Variants in PTPRD observed in about 807,000 individuals in gnomAD.
PTPRD encodes receptor-type tyrosine-protein phosphatase delta.
Under a neutral mutation model 214.5 loss-of-function variants are expected in PTPRD, and 34 were observed. That is an observed-to-expected ratio of 0.16 (90% CI 0.12 to 0.21). The LOEUF is 0.21. PTPRD is among the 10% of genes least tolerant of loss of function. The pLI is 1.00. For synonymous variants in PTPRD, 1,128 were observed against 845.7 expected (o/e 1.33, Z -5.79); for missense variants, 2,545 against 2,398.7 (o/e 1.06, Z -1.27).
intron 8 of PTPRD, among the ~76,000 whole-genome samples, chr9:9,567,402 C>T (rs975046559): frequency 4.6e-5 from 7 of 151,886 alleles, no homozygotes; most frequent in African/African-American, 1.5e-4. Flanking sequence ...CCATTCTGTA[C>T]ATTTTTATAC....
At chr9:9,935,923 G>A (rs1412926623) in intron 5 of PTPRD, among the ~76,000 whole-genome samples, 14 of 150,800 alleles carry the variant, frequency 9.3e-5, no homozygotes, top group South Asian at 2.1e-4. Flanking sequence ...AAATAATGCT[G>A]CATATCTACA....
chr9:9,860,448 T>C (rs1340331403), intron 5 of PTPRD, among the ~76,000 whole-genome samples: 1 of 152,228 alleles, frequency 6.6e-6, no homozygotes, highest in Non-Finnish European at 1.5e-5. Context: ...TCACTTTTCA[T>C]GGTTTCTTGT....
chr9:10,214,815 A>T (rs1428966188), intron 3 of PTPRD, among the ~76,000 whole-genome samples: 1 of 152,012 alleles, frequency 6.6e-6, no homozygotes, highest in Non-Finnish European at 1.5e-5. Context: ...TAATATATTA[A>T]ACTGAGTCTT....
At chr9:8,939,328 G>A (rs1249702063) in intron 11 of PTPRD, among the ~76,000 whole-genome samples, 1 of 152,026 alleles carries the variant, frequency 6.6e-6, no homozygotes, top group South Asian at 2.1e-4. Context: ...AAAGACTCTG[G>A]AATCACTCTA....
intron 10 of PTPRD, among the ~76,000 whole-genome samples, chr9:9,088,441 A>G (rs2154429628): frequency 6.6e-6 from 1 of 151,564 alleles, no homozygotes; most frequent in African/African-American, 2.4e-5. Context: ...TTAGCTGGGC[A>G]TGGTGGCAGG....
At chr9:9,672,278 T>C (rs2096846500) in intron 7 of PTPRD, among the ~76,000 whole-genome samples, 1 of 152,158 alleles carries the variant, frequency 6.6e-6, no homozygotes, top group Non-Finnish European at 1.5e-5. Flanking sequence ...TTTTAATAAA[T>C]TGGAAAATAT....
intron 2 of PTPRD, among the ~76,000 whole-genome samples, chr9:10,355,210 A>T (rs533962037): frequency 6.6e-6 from 1 of 152,240 alleles, no homozygotes. Context: ...TATGAGGCAA[A>T]ATATGTATCT....
At chr9:8,494,505 C>T (rs2097217340) in intron 26 of PTPRD, among the ~76,000 whole-genome samples, 1 of 152,196 alleles carries the variant, frequency 6.6e-6, no homozygotes, top group African/African-American at 2.4e-5. Flanking sequence ...ATCCCAAAAA[C>T]TATCATGAGT....
chr9:9,595,266 T>C (rs2093179780), intron 7 of PTPRD, among the ~76,000 whole-genome samples: 1 of 132,252 alleles, frequency 7.6e-6, no homozygotes. Context: ...TAAGTCTTTA[T>C]ATGAAAAGGA....
Position 8,952,177 on chromosome 9 carries a change from A to C in PTPRD, c.-104+66520T>G, listed in dbSNP as rs538095993. Among the ~76,000 whole-genome samples the C allele has an allele frequency of 2.0e-5, 3 of 152,022 alleles. No homozygotes were observed. The East Asian group carries it at 5.8e-4, about 29-fold the overall frequency. ...TGAGGGCAGGGACTTTGTTTTGCTT[A>C]CTTTTTTGCTTTGTTTTGTTCACTT... On this transcript the variant is annotated intron_variant, in intron 11 of 45. Transcript: ENST00000381196.
At chr9:9,808,757 G>C (rs576194975) in intron 5 of PTPRD, among the ~76,000 whole-genome samples, 4 of 151,922 alleles carry the variant, frequency 2.6e-5, no homozygotes, top group African/African-American at 9.7e-5. Context: ...CTTATGACTG[G>C]GGTATTAGTT....
intron 10 of PTPRD, among the ~76,000 whole-genome samples, chr9:9,103,328 G>A (rs1321277876): frequency 6.6e-6 from 1 of 151,872 alleles, no homozygotes; most frequent in African/African-American, 2.4e-5. Context: ...CAACTTTACA[G>A]ACAGCATAAT....
chr9:9,896,260 A>G (rs1206148691), intron 5 of PTPRD, among the ~76,000 whole-genome samples: 2 of 152,086 alleles, frequency 1.3e-5, no homozygotes, highest in Non-Finnish European at 2.9e-5. Context: ...TTGCTGGAGC[A>G]AATGAAAGAC....
At position 8,760,925 on chromosome 9, in the gene PTPRD, G is replaced by A. The variant is rs915416923; in HGVS notation, c.-103-26979C>T. Among the ~76,000 whole-genome samples, 5 of 152,206 alleles carry A rather than the reference G, an allele frequency of 3.3e-5. No individual in the cohort carries two copies. The South Asian group carries it at 6.2e-4, about 19-fold the overall frequency. On this transcript the variant is annotated intron_variant, in intron 11 of 45. Transcript: ENST00000381196. ...GTGAGTAGTTCCACTTCTATTTCTA[G>A]TGCCTACTGCATAATAGGAATAACA...
At chr9:9,819,634 C>T (rs974378783) in intron 5 of PTPRD, among the ~76,000 whole-genome samples, 7 of 152,038 alleles carry the variant, frequency 4.6e-5, no homozygotes, top group Non-Finnish European at 7.4e-5. Flanking sequence ...TAGTCCCCAA[C>T]GGTTAGTTTT....
intron 34 of PTPRD, among the ~76,000 whole-genome samples, chr9:8,442,510 C>T (rs555733149): frequency 1.6e-4 from 24 of 152,184 alleles, no homozygotes; most frequent in African/African-American, 5.5e-4. Context: ...CATGATTTTC[C>T]TTACTGATAA....
chr9:9,392,923 C>A (rs968019163), intron 9 of PTPRD, among the ~76,000 whole-genome samples: 2 of 152,144 alleles, frequency 1.3e-5, no homozygotes, highest in Non-Finnish European at 2.9e-5. Context: ...TGGAGAACCT[C>A]TGACCAACCT....
At chr9:9,953,645 T>C (rs1350450804) in intron 4 of PTPRD, among the ~76,000 whole-genome samples, 1 of 152,072 alleles carries the variant, frequency 6.6e-6, no homozygotes, top group African/African-American at 2.4e-5. Flanking sequence ...AAATTAACAG[T>C]CTGTGATATT....
intron 3 of PTPRD, among the ~76,000 whole-genome samples, chr9:10,189,017 T>C (rs2099350684): frequency 6.6e-6 from 1 of 152,168 alleles, no homozygotes; most frequent in African/African-American, 2.4e-5. Context: ...CCATTACTTT[T>C]TTTTTTTCTG....
Sources: gnomAD v4.1 joint callset for allele counts (sites outside exome capture counted in the v4.1 genomes callset) on GRCh38, gnomAD v4.1.1 for gene constraint, MANE v1.5 for transcripts, NCBI Gene and HGNC (gene_info 2026-07-23, HGNC 2026-07-21) for gene names.